Variants in DNAH8 observed in about 807,000 individuals in gnomAD.
The protein encoded by DNAH8 is axonemal beta dynein heavy chain 8.
DNAH8 carries 382 observed loss-of-function variants against 562.1 expected under a neutral mutation model. The ratio of observed to expected loss-of-function variants is 0.68; its 90% CI spans 0.63 to 0.74. DNAH8 has a LOEUF of 0.74. Among genes scored for constraint, DNAH8 ranks in the 30% least tolerant of loss-of-function variants. DNAH8 has a pLI of 0.00. For missense variants in DNAH8, 5,203 were observed against 5,620.4 expected, an observed-to-expected ratio of 0.93 and a Z score of 2.37; for synonymous variants, 1,881 against 1,919.4, an observed-to-expected ratio of 0.98 and a Z score of 0.52.
In DNAH8 at chr6:38,872,652, T is replaced by C; in HGVS notation, c.7107T>C (p.His2369=). 1.2e-6 allele frequency: 2 copies of C among 1,614,092 alleles called. No homozygotes were observed. Among genetic ancestry groups the C allele is most frequent in the South Asian group, 1.1e-5 (1 of 91,088 alleles). ...CGCAAACAGAATGCGGAAGGCCTCA[T>C]AGAGAAATGCGAATGAATCCAAAAG... The part of the protein sequence containing the change: ...MKAQTECGRP[H]REMRMNPKAI... Residue 2369 remains histidine (H), a synonymous_variant, in exon 50 of 93, where the codon CAT becomes CAC. Coordinates refer to ENST00000327475, the MANE Select transcript of DNAH8 (RefSeq NM_001206927.2).
At chr6:38,994,372 G>T (rs1472872979) in intron 88 of DNAH8, among the ~76,000 whole-genome samples, 4 of 151,890 alleles carry the variant, frequency 2.6e-5, no homozygotes, top group Non-Finnish European at 5.9e-5. Flanking sequence ...TGTTATTGTC[G>T]TTTCGTTTTA....
chr6:38,935,768 C>T lies in DNAH8; in HGVS notation c.11563+71C>T, dbSNP rs1313319197. The T allele has an allele frequency of 3.6e-6, 4 of 1,114,366 alleles. No homozygotes were observed. The East Asian group carries it at 9.6e-5, about 27-fold the overall frequency. The allele number at this position is 1,114,366 out of a possible 1,614,324, so 69.0% of individuals were successfully genotyped here. A position where few individuals can be genotyped will look rare whatever the true frequency, so the allele number is the denominator to read the frequency against. Reference sequence around the variant, plus strand: ...GATTTCATTTACACTCTTTTCAATGCCCTCATGACTATAGATGTTAGGAAA... The same window carrying T: ...GATTTCATTTACACTCTTTTCAATGTCCTCATGACTATAGATGTTAGGAAA... On this transcript the variant is annotated intron_variant, in intron 77 of 92. Coordinates refer to ENST00000327475, the MANE Select transcript of DNAH8 (RefSeq NM_001206927.2).
In DNAH8 at chr6:38,926,036, T is replaced by G. The variant is rs1212659509; in HGVS notation, c.10963-19T>G. ...TCCTGTTCTCCTTTGAATGGTGATA[T>G]CCATTTCCTGTTGTTCAGATTGGTG... On this transcript the variant is annotated intron_variant, in intron 73 of 92. Transcript: ENST00000327475. The G allele has an allele frequency of 6.2e-7, 1 of 1,608,934 alleles. No individual in the cohort carries two copies. The highest frequency in any genetic ancestry group is 8.5e-7 in the Non-Finnish European group (1 of 1,177,090).
At chr6:38,855,767 G>A (rs1776148320) in intron 41 of DNAH8, among the ~76,000 whole-genome samples, 1 of 152,116 alleles carries the variant, frequency 6.6e-6, no homozygotes, top group Admixed American at 6.5e-5. Context: ...AACCGGTACC[G>A]GTTCATGGGC....
rs538322400 is a variant in DNAH8, at chr6:38,784,070, C to G, written c.2395+931C>G. 2.2e-3 allele frequency among the ~76,000 whole-genome samples: 333 copies of G among 152,256 alleles called. 2 individuals carry two copies. Among genetic ancestry groups the G allele is most frequent in the African/African-American group, 7.6e-3 (317 of 41,566 alleles). ...TTACAGGCCATTGATTCACAGCATA[C>G]CTGCATCCTAGAGGACAGTGCCCCA... On this transcript the variant is annotated intron_variant, in intron 17 of 92. Coordinates refer to ENST00000327475, the MANE Select transcript of DNAH8 (RefSeq NM_001206927.2).
intron 18 of DNAH8, among the ~76,000 whole-genome samples, chr6:38,787,253 T>C (rs544259977): frequency 2.4e-4 from 37 of 152,232 alleles, no homozygotes; most frequent in African/African-American, 8.9e-4. Context: ...CATTAAATTT[T>C]ATAATATACT....
chr6:38,766,927 A>G (rs1275376605), intron 11 of DNAH8, among the ~76,000 whole-genome samples: 2 of 152,324 alleles, frequency 1.3e-5, no homozygotes, highest in East Asian at 1.9e-4. Context: ...AGCATCTAGG[A>G]TCGACATTTT....
intron 21 of DNAH8, among the ~76,000 whole-genome samples, chr6:38,792,764 A>G (rs1009929728): frequency 2.6e-5 from 4 of 152,072 alleles, no homozygotes; most frequent in Non-Finnish European, 4.4e-5. Context: ...CAAGACATAC[A>G]TTTATGTTTT....
chr6:38,736,477 G>A (rs996256665), intron 5 of DNAH8, among the ~76,000 whole-genome samples: 1 of 152,160 alleles, frequency 6.6e-6, no homozygotes, highest in African/African-American at 2.4e-5. Flanking sequence ...AACTGTATGA[G>A]TAGTAATTTT....
At chr6:38,806,023 C>G (rs529222036) in intron 23 of DNAH8, among the ~76,000 whole-genome samples, 1 of 152,296 alleles carries the variant, frequency 6.6e-6, no homozygotes, top group African/African-American at 2.4e-5. Flanking sequence ...TGGATGACCA[C>G]TCTGGACTCT....
intron 18 of DNAH8, among the ~76,000 whole-genome samples, chr6:38,789,269 A>G (rs1769469823): frequency 6.6e-6 from 1 of 152,224 alleles, no homozygotes; most frequent in Admixed American, 6.5e-5. Context: ...TAATTTGGAG[A>G]TAAAGTAACT....
intron 1 of DNAH8, among the ~76,000 whole-genome samples, chr6:38,718,428 T>C (rs1211343846): frequency 6.6e-6 from 1 of 152,124 alleles, no homozygotes; most frequent in Non-Finnish European, 1.5e-5. Flanking sequence ...TTAGAGTTTG[T>C]TACCTGCCAA....
At chr6:38,781,195 A>G in intron 15 of DNAH8, 59 bp from the exon 16 acceptor site, 1 of 1,574,310 alleles carries the variant, frequency 6.4e-7, no homozygotes, top group South Asian at 1.1e-5. Context: ...AGCTGTATAT[A>G]TTTTTTGCCT....
At chr6:38,850,492 A>G in intron 38 of DNAH8, 78 bp downstream of exon 38, 1 of 1,353,228 alleles carries the variant, frequency 7.4e-7, no homozygotes, top group Non-Finnish European at 1.0e-6. Context: ...TATTGACTAC[A>G]TTTCTGGTTT....
chr6:38,844,188 A>G (rs541315864), intron 35 of DNAH8, among the ~76,000 whole-genome samples: 2 of 152,088 alleles, frequency 1.3e-5, no homozygotes, highest in East Asian at 1.9e-4. Context: ...TCTTCACCCC[A>G]TGGGAACCAA....
At chr6:38,726,432 A>G (rs1418518842) in intron 3 of DNAH8, among the ~76,000 whole-genome samples, 2 of 152,194 alleles carry the variant, frequency 1.3e-5, no homozygotes, top group East Asian at 1.9e-4. Flanking sequence ...TAGAAGTGCT[A>G]TGTGCCTACA....
Position 39,030,628 on chromosome 6 carries a change from C to T in DNAH8, c.*236C>T. 1 of 445,272 alleles carries T rather than the reference C, an allele frequency of 2.2e-6. No homozygotes were observed. The highest frequency in any genetic ancestry group is 3.4e-5 in the South Asian group (1 of 29,320). The allele number at this position is 445,272 out of a possible 1,614,324, so 27.6% of individuals were successfully genotyped here. A position where few individuals can be genotyped will look rare whatever the true frequency, so the allele number is the denominator to read the frequency against. Reference sequence around the variant, plus strand: ...GGGAAATCATATTTCACTATAATTACTTTTTAAAGATAAAACCCTGTTTGG... The same window carrying T: ...GGGAAATCATATTTCACTATAATTATTTTTTAAAGATAAAACCCTGTTTGG... On this transcript the variant is annotated 3_prime_UTR_variant, in exon 93 of 93. Transcript: ENST00000327475.
At chr6:39,001,775 A>G (rs1561963275) in intron 88 of DNAH8, among the ~76,000 whole-genome samples, 1 of 152,184 alleles carries the variant, frequency 6.6e-6, no homozygotes, top group Non-Finnish European at 1.5e-5. Context: ...CACTTTTCAA[A>G]TGTCAAAACT....
rs560530842 is a variant in DNAH8 at position 38,730,297 on chromosome 6, G to A, written c.610+311G>A. 1.6e-4 allele frequency among the ~76,000 whole-genome samples: 24 copies of A among 152,280 alleles called. No individual in the cohort carries two copies. In the South Asian group the frequency reaches 2.3e-3, roughly 14 times the overall value. ...TGGAGCCATTTTGTCCAGATGATTA[G>A]AAGTGGTGGTGAAACCACTCCAGAG... On this transcript the variant is annotated intron_variant, in intron 4 of 92. Coordinates refer to ENST00000327475, the MANE Select transcript of DNAH8 (RefSeq NM_001206927.2).
Sources: allele counts gnomAD v4.1 joint callset (sites outside exome capture counted in the v4.1 genomes callset), GRCh38; gene constraint gnomAD v4.1.1; transcripts MANE v1.5; gene names NCBI Gene and HGNC (gene_info 2026-07-23, HGNC 2026-07-21).